The following MERTK variants were observed in gnomAD, a reference collection of about 807,000 sequenced individuals.
MERTK encodes MER proto-oncogene, tyrosine kinase, also known as tyrosine-protein kinase Mer.
A neutral mutation model predicts 99.3 loss-of-function variants in MERTK; 69 were observed. The ratio of observed to expected loss-of-function variants is 0.70; its 90% confidence interval spans 0.57 to 0.85. The LOEUF (loss-of-function observed/expected upper bound fraction) is 0.85. Ranked by LOEUF, MERTK falls within the 40% of genes least tolerant of loss-of-function variation. The pLI is 0.00. For synonymous variants in MERTK, 426 were observed against 467.6 expected (o/e 0.91, Z 1.15); for missense variants, 1,125 against 1,249.4 (o/e 0.90, Z 1.50).
intron 7 of MERTK, among the ~76,000 whole-genome samples, chr2:111,976,522 CTGTGTGTGTGTGTGTG>C (rs70962971): frequency 6.5e-4 from 89 of 136,790 alleles, no homozygotes; most frequent in Admixed American, 2.1e-3. Flanking sequence ...TGACAAAAAC[CTGTGTGTGTGTGTGTG>C]TGTGTGTGTG....
At chr2:111,906,441 A>G (rs1459808400) in intron 1 of MERTK, among the ~76,000 whole-genome samples, 2 of 152,216 alleles carry the variant, frequency 1.3e-5, no homozygotes, top group Admixed American at 1.3e-4. Flanking sequence ...ATGGTTTTGA[A>G]AATGATCACT....
At chr2:112,018,111 T>G (rs1209864777) in intron 15 of MERTK, among the ~76,000 whole-genome samples, 1 of 152,240 alleles carries the variant, frequency 6.6e-6, no homozygotes. Flanking sequence ...TTTCTTAATT[T>G]CATTTTCAGA....
intron 2 of MERTK, among the ~76,000 whole-genome samples, chr2:111,937,512 A>G (rs1684785703): frequency 6.6e-6 from 1 of 152,112 alleles, no homozygotes; most frequent in Non-Finnish European, 1.5e-5. Context: ...TGGGGCCCCC[A>G]TCTCCATGCA....
At position 111,951,522 on chromosome 2, in the gene MERTK, C is replaced by CATATATATATATATATATATATATATAT. The variant is rs56410508; in HGVS notation, c.757+3982_757+3983insTATATATATATATATATATATATATATA. Among the ~76,000 whole-genome samples the CATATATATATATATATATATATATATAT allele has an allele frequency of 4.1e-3, 354 of 85,706 alleles. 25 individuals are homozygous for CATATATATATATATATATATATATATAT. The highest frequency in any genetic ancestry group is 6.3e-3 in the Non-Finnish European group (253 of 39,844). The allele number at this position is 85,706 out of a possible 152,430, so 56.2% of individuals were successfully genotyped here. A position where few individuals can be genotyped will look rare whatever the true frequency, so the allele number is the denominator to read the frequency against. On this transcript the variant is annotated intron_variant, in intron 4 of 18. Coordinates refer to ENST00000295408, the MANE Select transcript of MERTK (RefSeq NM_006343.3). ...TTTTGTACACGCTGAATAATATTCC[C>CATATATATATATATATATATATATATAT]ATATATATATATATATATATATATA...
chr2:111,912,605 C>A (rs534588259), intron 1 of MERTK, among the ~76,000 whole-genome samples: 1 of 152,152 alleles, frequency 6.6e-6, no homozygotes, highest in East Asian at 1.9e-4. Context: ...TCCTGCACAT[C>A]TTATAGGCAG....
chr2:111,935,067 T>C (rs1466115795), intron 2 of MERTK, among the ~76,000 whole-genome samples: 3 of 152,178 alleles, frequency 2.0e-5, no homozygotes, highest in African/African-American at 7.2e-5. Context: ...GATAAAGTCA[T>C]TTACTCTAAG....
At chr2:112,004,388 G>A (rs558151020) in intron 13 of MERTK, among the ~76,000 whole-genome samples, 53 of 152,134 alleles carry the variant, frequency 3.5e-4, no homozygotes, top group African/African-American at 1.0e-3. Flanking sequence ...AGTGTGGTGG[G>A]GCCACTTCCT....
rs145142422 is a variant in MERTK at position 111,994,390 on chromosome 2, T to A, written c.1436T>A (p.Phe479Tyr). The change falls in exon 9 of 19, where the codon TTT becomes TAT. Residue 479 changes from phenylalanine (F) to tyrosine (Y), a missense_variant. Transcript: ENST00000295408. ...VGPFSDPVKI[F>Y]IPAHGWVDYA... The stretch of plus-strand genomic sequence containing the variant: ...CCCTTCAGTGATCCAGTGAAAATAT[T>A]TATCCCTGCACACGGTGAGAGCTAT... The A allele has an allele frequency of 1.3e-4, 209 of 1,613,998 alleles. No individual in the cohort carries two copies. Among genetic ancestry groups the A allele is most frequent in the Non-Finnish European group, 1.7e-4 (206 of 1,180,026 alleles).
intron 18 of MERTK, among the ~76,000 whole-genome samples, chr2:112,026,713 C>T (rs1160748493): frequency 6.6e-6 from 1 of 152,182 alleles, no homozygotes; most frequent in Admixed American, 6.5e-5. Context: ...CCTCCAGCTT[C>T]CGGATGCGTG....
chr2:111,968,034 A>G, intron 5 of MERTK, 103 bp from the exon 6 acceptor site: 1 of 831,876 alleles, frequency 1.2e-6, no homozygotes, highest in Non-Finnish European at 2.1e-6. Context: ...ACTAATCTCA[A>G]GGAACGAAAA....
chr2:112,007,241 G>A (rs1420054713), intron 13 of MERTK, among the ~76,000 whole-genome samples: 7 of 152,092 alleles, frequency 4.6e-5, no homozygotes, highest in African/African-American at 1.4e-4. Context: ...TGCAAACTCC[G>A]CCTCCCGGAT....
intron 1 of MERTK, among the ~76,000 whole-genome samples, chr2:111,912,607 T>G (rs1684272000): frequency 6.6e-6 from 1 of 152,062 alleles, no homozygotes; most frequent in South Asian, 2.1e-4. Flanking sequence ...CTGCACATCT[T>G]ATAGGCAGGT....
At chr2:111,923,352 G>T (rs771094731) in intron 1 of MERTK, among the ~76,000 whole-genome samples, 1 of 152,216 alleles carries the variant, frequency 6.6e-6, no homozygotes, top group African/African-American at 2.4e-5. Context: ...ACTTTAAGAA[G>T]CGGACGCTAG....
chr2:112,013,362 A>G (rs1298605765), intron 15 of MERTK: 1 of 154,356 alleles, frequency 6.5e-6, no homozygotes, highest in Non-Finnish European at 1.5e-5. Context: ...CATTATAGGA[A>G]GTCTGTAAAA....
intron 16 of MERTK, among the ~76,000 whole-genome samples, chr2:112,021,179 G>A (rs181051148): frequency 6.6e-6 from 1 of 152,136 alleles, no homozygotes; most frequent in East Asian, 1.9e-4. Context: ...CAGCCTGGGT[G>A]ACAGGGTGAG....
chr2:111,930,603 G>A (rs938683550), intron 2 of MERTK: 2 of 152,238 alleles, frequency 1.3e-5, no homozygotes, highest in African/African-American at 4.8e-5. Context: ...AGGAAGAGAT[G>A]GAAAGTCTGT....
At chr2:111,950,941 C>G (rs1448593293) in intron 4 of MERTK, among the ~76,000 whole-genome samples, 1 of 152,032 alleles carries the variant, frequency 6.6e-6, no homozygotes, top group Non-Finnish European at 1.5e-5. Context: ...TTTAATTTCT[C>G]TCAGCAATTT....
chr2:111,921,502 CA>C (rs57283084), intron 1 of MERTK, among the ~76,000 whole-genome samples: 12,600 of 137,720 alleles, frequency 0.091, 569 homozygotes, highest in African/African-American at 0.13. Flanking sequence ...GACGCGATCT[CA>C]AAAAAAAAAA....
chr2:111,911,184 G>C (rs1484693170), intron 1 of MERTK, among the ~76,000 whole-genome samples: 1 of 152,018 alleles, frequency 6.6e-6, no homozygotes, highest in Non-Finnish European at 1.5e-5. Flanking sequence ...GTGCTGAGCA[G>C]GACGCTAGCA....
Sources: allele counts gnomAD v4.1 joint callset (sites outside exome capture counted in the v4.1 genomes callset), GRCh38; gene constraint gnomAD v4.1.1; transcripts MANE v1.5; gene names NCBI Gene and HGNC (gene_info 2026-07-23, HGNC 2026-07-21).